The following PTPRN2 variants were observed in gnomAD, a reference collection of about 807,000 sequenced individuals.
PTPRN2 encodes the protein protein tyrosine phosphatase receptor type N2, also known as receptor-type tyrosine-protein phosphatase N2.
PTPRN2 carries 74 observed loss-of-function variants against 118.8 expected under a neutral mutation model. The ratio of observed to expected loss-of-function variants is 0.62; its 90% CI spans 0.52 to 0.76. PTPRN2 has a LOEUF of 0.76. PTPRN2 is among the 30% of genes least tolerant of loss of function. The probability of loss-of-function intolerance (pLI) is 0.00; values close to 1 mark genes in which losing one functional copy is unlikely to be tolerated. For missense variants in PTPRN2, 1,481 were observed against 1,394.4 expected (o/e 1.06, Z -0.99); for synonymous variants, 641 against 608.0 (o/e 1.05, Z -0.80).
intron 9 of PTPRN2, among the ~76,000 whole-genome samples, chr7:158,132,417 GAC>G (rs934395199): frequency 3.4e-5 from 5 of 146,716 alleles, no homozygotes; most frequent in East Asian, 4.1e-4. Context: ...ACATCTACCC[GAC>G]ACACACTCAT....
At chr7:158,250,405 T>G (rs7807015) in intron 3 of PTPRN2, among the ~76,000 whole-genome samples, 1 of 152,012 alleles carries the variant, frequency 6.6e-6, no homozygotes, top group Non-Finnish European at 1.5e-5. Flanking sequence ...TGAAATGGTA[T>G]CAAAACAAGG....
At chr7:158,044,504 A>G (rs1417624821) in intron 11 of PTPRN2, among the ~76,000 whole-genome samples, 1 of 152,184 alleles carries the variant, frequency 6.6e-6, no homozygotes, top group Non-Finnish European at 1.5e-5. Flanking sequence ...TATCTGCATC[A>G]CCAAAGAGAG....
At chr7:158,255,020 G>C (rs1176497636) in intron 3 of PTPRN2, among the ~76,000 whole-genome samples, 1 of 152,186 alleles carries the variant, frequency 6.6e-6, no homozygotes, top group African/African-American at 2.4e-5. Context: ...GTCTTTCCTA[G>C]GACATCCCTT....
Position 158,403,206 on chromosome 7 carries a change from C to G in PTPRN2, c.164-86274G>C, listed in dbSNP as rs371279244. On this transcript the variant is annotated intron_variant, in intron 2 of 22. Coordinates refer to ENST00000389418, the MANE Select transcript of PTPRN2 (RefSeq NM_002847.5). Reference sequence around the variant, plus strand: ...GCACGTGGCCAGAGAGAAACCTGCCCCATCAGGCCAGGGGAGCACATGTGA... The same window carrying G: ...GCACGTGGCCAGAGAGAAACCTGCCGCATCAGGCCAGGGGAGCACATGTGA... Among the ~76,000 whole-genome samples, 28 of 152,178 alleles carry G rather than the reference C, an allele frequency of 1.8e-4. No homozygotes were observed. In the East Asian group the frequency reaches 2.5e-3, roughly 14 times the overall value.
chr7:158,218,347 T>C (rs927909379), intron 3 of PTPRN2, among the ~76,000 whole-genome samples: 1 of 151,996 alleles, frequency 6.6e-6, no homozygotes, highest in African/African-American at 2.4e-5. Context: ...AAACTAAGCA[T>C]CATAAGCAAA....
rs1468187919 is a variant in PTPRN2 at position 158,526,151 on chromosome 7, G to A, written c.113-36366C>T. Reference sequence around the variant, plus strand: ...CTTCTGAAAGGGCCCGCTCTGGGGGGAGCCACATCAGGCAGACACACGGCT... The same window carrying A: ...CTTCTGAAAGGGCCCGCTCTGGGGGAAGCCACATCAGGCAGACACACGGCT... On this transcript the variant is annotated intron_variant, in intron 1 of 22. Transcript: ENST00000389418. The surrounding 1 kb of genome is among the most constrained non-coding windows in gnomAD (Gnocchi z 5.2). Among the ~76,000 whole-genome samples, 4 of 152,292 alleles carry A rather than the reference G, an allele frequency of 2.6e-5. No individual in the cohort carries two copies. The highest frequency in any genetic ancestry group is 3.9e-4 in the East Asian group (2 of 5,166).
chr7:158,241,062 G>GGCCA (rs1274111005), intron 3 of PTPRN2, among the ~76,000 whole-genome samples: 1 of 152,192 alleles, frequency 6.6e-6, no homozygotes, highest in African/African-American at 2.4e-5. Context: ...CATGGTCTTG[G>GGCCA]GCCAGCCAGC....
At chr7:158,151,596 C>A (rs1269241731) in intron 6 of PTPRN2, among the ~76,000 whole-genome samples, 1 of 152,154 alleles carries the variant, frequency 6.6e-6, no homozygotes, top group Non-Finnish European at 1.5e-5. Flanking sequence ...GTGGTATGAG[C>A]CACGCCCTCC....
chr7:158,399,010 T>A (rs1485654397), intron 2 of PTPRN2, among the ~76,000 whole-genome samples: 1 of 152,214 alleles, frequency 6.6e-6, no homozygotes, highest in Non-Finnish European at 1.5e-5. Context: ...AAATGTCTTA[T>A]GTATTTGCTT....
chr7:157,986,554 TCCTG>T lies in PTPRN2; in HGVS notation c.1724-87821_1724-87818del, dbSNP rs1361938118. On this transcript the variant is annotated intron_variant, in intron 11 of 22. Coordinates refer to ENST00000389418, the MANE Select transcript of PTPRN2 (RefSeq NM_002847.5). This position sits in a 1 kb window ranked among gnomAD's most constrained non-coding sequence, Gnocchi z 4.5. ...CATCTCCTCTCTGTGGTCCTTTCCC[TCCTG>T]CCTGCCTTTCTGCGACATCTGCACT... is the stretch of plus-strand genomic sequence containing the variant. Among the ~76,000 whole-genome samples the T allele has an allele frequency of 2.0e-5, 3 of 152,216 alleles. No homozygotes were observed. The East Asian group carries it at 5.8e-4, about 29-fold the overall frequency.
Position 157,560,015 on chromosome 7 carries a change from G to A in PTPRN2, c.2902+8887C>T, listed in dbSNP as rs183789332. ...CCTGGATGGGCTGGTGCCAGCACCC[G>A]GGACCAAGGAGGGAGCTTGCAGAAG... On this transcript the variant is annotated intron_variant, in intron 21 of 22. Coordinates refer to ENST00000389418, the MANE Select transcript of PTPRN2 (RefSeq NM_002847.5). This position sits in a 1 kb window ranked among gnomAD's most constrained non-coding sequence, Gnocchi z 6.7. Among the ~76,000 whole-genome samples, 70 of 152,300 alleles carry A rather than the reference G, an allele frequency of 4.6e-4. No individual in the cohort carries two copies. The highest frequency in any genetic ancestry group is 1.5e-3 in the African/African-American group (61 of 41,576).
At chr7:158,342,305 T>C (rs1183203896) in intron 2 of PTPRN2, among the ~76,000 whole-genome samples, 1 of 134,670 alleles carries the variant, frequency 7.4e-6, no homozygotes, top group Non-Finnish European at 1.6e-5. Context: ...CCCGCAGACG[T>C]CACTCACACC....
intron 12 of PTPRN2, among the ~76,000 whole-genome samples, chr7:157,734,371 C>T (rs1043778806): frequency 2.0e-5 from 3 of 152,258 alleles, no homozygotes; most frequent in Non-Finnish European, 4.4e-5. Flanking sequence ...CAGTCATAGG[C>T]TTCCAGGGTA....
chr7:158,270,180 G>C (rs1482537007), intron 3 of PTPRN2, among the ~76,000 whole-genome samples: 1 of 152,234 alleles, frequency 6.6e-6, no homozygotes, highest in Non-Finnish European at 1.5e-5. Flanking sequence ...ACCTGAACTG[G>C]TCAGGCCAGC....
chr7:157,744,723 C>A (rs1800820557), intron 12 of PTPRN2, among the ~76,000 whole-genome samples: 1 of 152,136 alleles, frequency 6.6e-6, no homozygotes, highest in Admixed American at 6.5e-5. Context: ...GAAGGGCCCC[C>A]AAGGACAGGT....
At chr7:157,853,264 G>A (rs1809427061) in intron 12 of PTPRN2, among the ~76,000 whole-genome samples, 1 of 152,178 alleles carries the variant, frequency 6.6e-6, no homozygotes, top group African/African-American at 2.4e-5. Flanking sequence ...CTCACATGAT[G>A]ACGGCCGAGC....
chr7:158,276,273 AAC>A (rs1798971431), intron 3 of PTPRN2, among the ~76,000 whole-genome samples: 1 of 18,408 alleles, frequency 5.4e-5, no homozygotes. Context: ...CTCTGGCCCC[AAC>A]AGGCTGTAAG....
intron 11 of PTPRN2, among the ~76,000 whole-genome samples, chr7:157,937,414 G>A (rs184336156): frequency 8.5e-5 from 13 of 152,340 alleles, no homozygotes; most frequent in African/African-American, 2.9e-4. Context: ...AATGAAAGGT[G>A]CGGGAATAGG....
intron 12 of PTPRN2, chr7:157,739,346 C>T (rs1476422745): frequency 1.3e-5 from 2 of 152,240 alleles, no homozygotes; most frequent in Non-Finnish European, 2.9e-5. Flanking sequence ...TGGTAAAATG[C>T]CTCTTCTTCC....
Sources: allele counts gnomAD v4.1 joint callset (sites outside exome capture counted in the v4.1 genomes callset), GRCh38; gene constraint gnomAD v4.1.1; non-coding constraint Gnocchi (gnomAD v3.1); transcripts MANE v1.5; gene names NCBI Gene and HGNC (gene_info 2026-07-23, HGNC 2026-07-21).